Variants in PPM1D observed in about 807,000 individuals in gnomAD.
The protein encoded by PPM1D is protein phosphatase, Mg2+/Mn2+ dependent 1D.
A neutral mutation model predicts 58.3 loss-of-function variants in PPM1D; 52 were observed. That is an observed-to-expected ratio of 0.89 (90% confidence interval 0.71 to 1.12). The LOEUF (loss-of-function observed/expected upper bound fraction) is 1.12, where lower values mean the gene tolerates loss of function less well. Among genes scored for constraint, PPM1D ranks in the 50% most tolerant of loss-of-function variants. The pLI is 0.00. For missense variants in PPM1D, 564 were observed against 777.2 expected (o/e 0.73, Z 3.26); for synonymous variants, 278 against 285.1 (o/e 0.98, Z 0.25).
intron 3 of PPM1D, among the ~76,000 whole-genome samples, chr17:60,646,099 C>T (rs1326136966): frequency 6.6e-6 from 1 of 152,140 alleles, no homozygotes; most frequent in Admixed American, 6.6e-5. Context: ...ATGATTGTGC[C>T]ACTGTCCCCA....
intron 3 of PPM1D, 96 bp from the exon 4 acceptor site, chr17:60,647,796 T>G: frequency 1.6e-5 from 19 of 1,205,648 alleles, no homozygotes; most frequent in Non-Finnish European, 2.0e-5. Flanking sequence ...CTGCGTCTAT[T>G]GAGATGAACT....
At chr17:60,650,526 G>T (rs545786410) in intron 4 of PPM1D, among the ~76,000 whole-genome samples, 1 of 152,052 alleles carries the variant, frequency 6.6e-6, no homozygotes, top group East Asian at 1.9e-4. Flanking sequence ...ACTCCAGCCT[G>T]GTGACAGAGC....
chr17:60,650,089 G>A (rs1239323474), intron 4 of PPM1D, among the ~76,000 whole-genome samples: 2 of 152,312 alleles, frequency 1.3e-5, no homozygotes, highest in South Asian at 4.1e-4. Context: ...ATTGAAGGAA[G>A]CATCCGTATA....
At chr17:60,625,464 A>T (rs1238228405) in intron 2 of PPM1D, among the ~76,000 whole-genome samples, 1 of 152,252 alleles carries the variant, frequency 6.6e-6, no homozygotes, top group Non-Finnish European at 1.5e-5. Flanking sequence ...TGTGGACAAA[A>T]ATATCTGAAT....
intron 1 of PPM1D, among the ~76,000 whole-genome samples, chr17:60,613,888 A>T (rs183468529): frequency 0.043 from 6,139 of 141,962 alleles, 538 homozygotes; most frequent in African/African-American, 0.17. Context: ...GCCATACCTG[A>T]GGCCCCCCCC....
At chr17:60,644,301 A>G (rs1014341502) in intron 3 of PPM1D, among the ~76,000 whole-genome samples, 13 of 152,074 alleles carry the variant, frequency 8.5e-5, no homozygotes. Flanking sequence ...TAACTTTTTA[A>G]AAAGTTTTTT....
intron 4 of PPM1D, among the ~76,000 whole-genome samples, chr17:60,648,759 T>TG (rs1381750732): frequency 1.6e-5 from 2 of 128,250 alleles, no homozygotes; most frequent in Admixed American, 1.5e-4. Context: ...CCACTACTAC[T>TG]TTTTTTTTTT....
chr17:60,608,912 T>C (rs1351642312), intron 1 of PPM1D, among the ~76,000 whole-genome samples: 1 of 150,714 alleles, frequency 6.6e-6, no homozygotes, highest in Non-Finnish European at 1.5e-5. Context: ...CACGCCCGGC[T>C]AATTTTTTGT....
intron 3 of PPM1D, among the ~76,000 whole-genome samples, chr17:60,642,249 G>C (rs543814225): frequency 3.3e-5 from 5 of 151,348 alleles, no homozygotes; most frequent in African/African-American, 1.2e-4. Flanking sequence ...GAAGCAACTT[G>C]AGCATCAAAA....
chr17:60,610,270 G>A (rs954777022), intron 1 of PPM1D, among the ~76,000 whole-genome samples: 1 of 152,054 alleles, frequency 6.6e-6, no homozygotes, highest in Non-Finnish European at 1.5e-5. Flanking sequence ...GCATCCTTTG[G>A]GGGTTTTGGA....
At position 60,663,620 on chromosome 17, in the gene PPM1D, T is replaced by C. The variant is rs370221881; in HGVS notation, c.*68T>C. 113 of 1,492,286 alleles carry C rather than the reference T, an allele frequency of 7.6e-5. No homozygotes were observed. The African/African-American group carries it at 1.3e-3, about 17-fold the overall frequency. 92.4% of individuals were successfully genotyped at this position (1,492,286 alleles called of 1,614,324 possible). On this transcript the variant is annotated 3_prime_UTR_variant, in exon 6 of 6. Coordinates refer to ENST00000305921, the MANE Select transcript of PPM1D (RefSeq NM_003620.4). Reference sequence around the variant, plus strand: ...GAGGGCTTTTTAAATTTGGTGCCGATGTTGAACTTTTTTTAAGGGGAGAAA... The same window carrying C: ...GAGGGCTTTTTAAATTTGGTGCCGACGTTGAACTTTTTTTAAGGGGAGAAA...
intron 4 of PPM1D, among the ~76,000 whole-genome samples, chr17:60,653,113 T>C (rs1349925909): frequency 6.6e-6 from 1 of 152,182 alleles, no homozygotes; most frequent in African/African-American, 2.4e-5. Context: ...TGTTTTCTTC[T>C]AGTAGTTTCA....
At position 60,605,492 on chromosome 17, in the gene PPM1D, A is replaced by G. The variant is rs193093937; in HGVS notation, c.472+4606A>G. On this transcript the variant is annotated intron_variant, in intron 1 of 5. Coordinates refer to ENST00000305921, the MANE Select transcript of PPM1D (RefSeq NM_003620.4). ...ATACCTTGCCCAAAGTAGCTGCTCA[A>G]CAACTAGTTGAGTTTAGTTGAATTT... Among the ~76,000 whole-genome samples the G allele has an allele frequency of 2.6e-5, 4 of 152,332 alleles. No homozygotes were observed. The East Asian group carries it at 7.7e-4, about 29-fold the overall frequency.
chr17:60,608,290 G>C (rs2030375081), intron 1 of PPM1D, among the ~76,000 whole-genome samples: 1 of 152,060 alleles, frequency 6.6e-6, no homozygotes, highest in Admixed American at 6.6e-5. Context: ...AGATTTCTTT[G>C]CATCTTTATA....
At chr17:60,662,019 C>T (rs1254446901) in intron 5 of PPM1D, among the ~76,000 whole-genome samples, 5 of 151,922 alleles carry the variant, frequency 3.3e-5, no homozygotes, top group East Asian at 1.9e-4. Context: ...TATTGTGAGA[C>T]GGAGTCTCAC....
At chr17:60,661,557 G>A (rs2143728343) in intron 5 of PPM1D, among the ~76,000 whole-genome samples, 1 of 152,164 alleles carries the variant, frequency 6.6e-6, no homozygotes, top group South Asian at 2.1e-4. Context: ...TACACTCAAA[G>A]TAGTGGTGCA....
At chr17:60,620,537 G>GT (rs910750100) in intron 1 of PPM1D, among the ~76,000 whole-genome samples, 10 of 150,894 alleles carry the variant, frequency 6.6e-5, no homozygotes, top group African/African-American at 9.8e-5. Context: ...TTGTTTGTTT[G>GT]TTTTTTTGAG....
chr17:60,656,614 T>A lies in PPM1D; in HGVS notation c.1033T>A (p.Ser345Thr). The A allele has an allele frequency of 1.9e-6, 3 of 1,614,198 alleles. No individual in the cohort carries two copies. The highest frequency in any genetic ancestry group is 2.5e-6 in the Non-Finnish European group (3 of 1,180,018). ...KKYLMGEHGQ[S>T]CAKMLVNRAL... ...TTGAATACAGGGTGAGCATGGACAA[T>A]CTTGTGCCAAAATGCTTGTGAATCG... The change falls in exon 5 of 6, where the codon TCT becomes ACT. Residue 345 changes from serine (S) to threonine (T), a missense_variant. Transcript: ENST00000305921.
At chr17:60,603,685 A>G (rs2030269234) in intron 1 of PPM1D, among the ~76,000 whole-genome samples, 1 of 151,530 alleles carries the variant, frequency 6.6e-6, no homozygotes. Flanking sequence ...AATTGCTTGA[A>G]CCCGCGAGGC....
Sources: gnomAD v4.1 joint callset for allele counts (sites outside exome capture counted in the v4.1 genomes callset) on GRCh38, gnomAD v4.1.1 for gene constraint, MANE v1.5 for transcripts, NCBI Gene and HGNC (gene_info 2026-07-23, HGNC 2026-07-21) for gene names.